Variants in SLC14A2 observed in about 807,000 individuals in gnomAD.
SLC14A2 encodes solute carrier family 14 member 2.
In SLC14A2, 91 loss-of-function variants were observed where a neutral mutation model predicts 104.6. The ratio of observed to expected loss-of-function variants is 0.87; its 90% CI spans 0.73 to 1.04. The LOEUF (loss-of-function observed/expected upper bound fraction) is 1.04, where lower values mean the gene tolerates loss of function less well. Among genes scored for constraint, SLC14A2 ranks in the 50% least tolerant of loss-of-function variants. SLC14A2 has a pLI of 0.00. For synonymous variants in SLC14A2, 476 were observed against 466.4 expected (o/e 1.02, Z -0.27); for missense variants, 1,189 against 1,156.0 (o/e 1.03, Z -0.41).
chr18:45,556,918 T>C (rs1284502842), intron 2 of SLC14A2, among the ~76,000 whole-genome samples: 1 of 152,184 alleles, frequency 6.6e-6, no homozygotes, highest in Non-Finnish European at 1.5e-5. Flanking sequence ...AAGAAATCTT[T>C]AGAATACACC....
intron 2 of SLC14A2, among the ~76,000 whole-genome samples, chr18:45,485,676 T>C (rs1244788750): frequency 6.6e-6 from 1 of 152,186 alleles, no homozygotes; most frequent in African/African-American, 2.4e-5. Context: ...TCTTATAGTT[T>C]TTTCTTCCCT....
In SLC14A2 at chr18:45,379,325, C is replaced by T. The variant is rs1020891746; in HGVS notation, c.-124-103908C>T. Among the ~76,000 whole-genome samples, 5 of 152,164 alleles carry T rather than the reference C, an allele frequency of 3.3e-5. No homozygotes were observed. In the East Asian group the frequency reaches 7.7e-4, roughly 23 times the overall value. ...AAAGCTGGCTTCTTATAAATTCCGC[C>T]CACTGGTCCTAATTCTGCCTCCAAT... On this transcript the variant is annotated intron_variant, in intron 1 of 20. Transcript: ENST00000586448.
At chr18:45,348,109 C>T (rs1328402768) in intron 1 of SLC14A2, among the ~76,000 whole-genome samples, 1 of 152,196 alleles carries the variant, frequency 6.6e-6, no homozygotes, top group Non-Finnish European at 1.5e-5. Context: ...ATCCAGAACA[C>T]AGGGACAATT....
chr18:45,288,530 G>T (rs1278336149), intron 1 of SLC14A2, among the ~76,000 whole-genome samples: 1 of 152,152 alleles, frequency 6.6e-6, no homozygotes, highest in Admixed American at 6.5e-5. Flanking sequence ...ATAGAGGTGG[G>T]ACAAGCGTGA....
At chr18:45,168,546 G>A in the SLC14A2 span, 1 of 152,188 alleles carries the variant, frequency 6.6e-6, no homozygotes, top group Non-Finnish European at 1.5e-5. Context: ...GCAGCACTCA[G>A]TAAATAAGGG....
At chr18:45,265,756 A>G (rs2084586084) in intron 1 of SLC14A2, among the ~76,000 whole-genome samples, 1 of 152,228 alleles carries the variant, frequency 6.6e-6, no homozygotes, top group South Asian at 2.1e-4. Flanking sequence ...CATTTGGGAA[A>G]GAAGTGGAGA....
chr18:45,501,361 A>C (rs1012506295), intron 2 of SLC14A2, among the ~76,000 whole-genome samples: 2 of 152,222 alleles, frequency 1.3e-5, no homozygotes, highest in Admixed American at 1.3e-4. Context: ...GACCAACCTG[A>C]GACTTGAATC....
rs1231196775 is a variant in SLC14A2 at position 45,240,641 on chromosome 18, G to GT, written c.-125+27458dup. 3.1e-3 allele frequency among the ~76,000 whole-genome samples: 438 copies of GT among 141,090 alleles called. 3 individuals are homozygous for GT. The highest frequency in any genetic ancestry group is 7.1e-3 in the Middle Eastern group (2 of 280). The allele number at this position is 141,090 out of a possible 152,430, so 92.6% of individuals were successfully genotyped here. On this transcript the variant is annotated intron_variant, in intron 1 of 20. Coordinates refer to the SLC14A2 transcript ENST00000586448. ...TGGAGGGAGAAAGTGTTTTTTTTTT[G>GT]TTTTTTTTGTTTTTGTTTTTGGTTT...
At chr18:45,262,796 G>T (rs1488424207) in intron 1 of SLC14A2, among the ~76,000 whole-genome samples, 1 of 152,118 alleles carries the variant, frequency 6.6e-6, no homozygotes, top group Non-Finnish European at 1.5e-5. Context: ...ATCAAGGAGA[G>T]GATGGAACAA....
chr18:45,290,107 A>G, intron 1 of SLC14A2, among the ~76,000 whole-genome samples: 1 of 109,648 alleles, frequency 9.1e-6, no homozygotes, highest in Non-Finnish European at 1.9e-5. Flanking sequence ...TTCTTTTGTA[A>G]AAAAAACGTT....
chr18:45,496,452 C>G (rs932442427), intron 2 of SLC14A2, among the ~76,000 whole-genome samples: 11 of 152,092 alleles, frequency 7.2e-5, no homozygotes, highest in Non-Finnish European at 1.5e-4. Flanking sequence ...GCCAGGGTAG[C>G]TAGAACAAAG....
intron 1 of SLC14A2, among the ~76,000 whole-genome samples, chr18:45,452,627 C>T (rs1175024499): frequency 1.3e-5 from 2 of 152,198 alleles, no homozygotes; most frequent in African/African-American, 4.8e-5. Flanking sequence ...ACATTTCTCT[C>T]TCCAACACCA....
chr18:45,399,412 T>C (rs915698558), intron 1 of SLC14A2, among the ~76,000 whole-genome samples: 3 of 152,308 alleles, frequency 2.0e-5, no homozygotes, highest in Admixed American at 2.0e-4. Flanking sequence ...GCCACACTTC[T>C]CTAAGAGGCA....
At position 45,637,103 on chromosome 18, in the gene SLC14A2, A is replaced by G. The variant is rs140597734; in HGVS notation, c.764A>G (p.Asn255Ser). 3 of 1,613,816 alleles carry G rather than the reference A, an allele frequency of 1.9e-6. No homozygotes were observed. In the African/African-American group the frequency reaches 4.0e-5, roughly 22 times the overall value. The change falls in exon 6 of 20, where the codon AAC becomes AGC. Residue 255 changes from asparagine (N) to serine (S), a missense_variant. Transcript: ENST00000255226. ...TACCTTGCAGCCACAGGCCACTACAACCTCTTCTTCCCCACAACACTGGTA... is the reference window on the plus strand; with the variant it reads ...TACCTTGCAGCCACAGGCCACTACAGCCTCTTCTTCCCCACAACACTGGTA... ...TLYLAATGHY[N>S]LFFPTTLVEP...
intron 1 of SLC14A2, among the ~76,000 whole-genome samples, chr18:45,400,172 C>T (rs2086080373): frequency 6.6e-6 from 1 of 152,148 alleles, no homozygotes; most frequent in Non-Finnish European, 1.5e-5. Flanking sequence ...ACACTAAATG[C>T]TCCATTGATG....
At chr18:45,673,921 C>A (rs2046184494) in intron 18 of SLC14A2, 104 bp downstream of exon 18, 11 of 1,122,782 alleles carry the variant, frequency 9.8e-6, no homozygotes, top group Non-Finnish European at 1.3e-5. Context: ...ATAGATTAAA[C>A]ACTATTTTCA....
chr18:45,393,110 G>T (rs1048087746), intron 1 of SLC14A2, among the ~76,000 whole-genome samples: 3 of 152,168 alleles, frequency 2.0e-5, no homozygotes, highest in Admixed American at 6.5e-5. Flanking sequence ...AGGGAGAAAA[G>T]TCTCCAGTAG....
intron 19 of SLC14A2, among the ~76,000 whole-genome samples, chr18:45,680,576 T>A (rs539792173): frequency 7.2e-5 from 11 of 152,306 alleles, no homozygotes; most frequent in African/African-American, 2.6e-4. Context: ...GCTGTACTCT[T>A]TTGTTTTCTA....
In SLC14A2 at chr18:45,421,712, C is replaced by A. The variant is rs188792179; in HGVS notation, c.-124-61521C>A. 1.3e-5 allele frequency among the ~76,000 whole-genome samples: 2 copies of A among 152,252 alleles called. 1 individual carries two copies. The highest frequency in any genetic ancestry group is 1.3e-4 in the Admixed American group (2 of 15,288). Reference sequence around the variant, plus strand: ...GACCAATCACAGACTACCAGTGAACCCACAATGCTCTCCTCACCAAGCATG... The same window carrying A: ...GACCAATCACAGACTACCAGTGAACACACAATGCTCTCCTCACCAAGCATG... On this transcript the variant is annotated intron_variant, in intron 1 of 20. Coordinates refer to the SLC14A2 transcript ENST00000586448.
Sources: gnomAD v4.1 joint callset for allele counts (sites outside exome capture counted in the v4.1 genomes callset) on GRCh38, gnomAD v4.1.1 for gene constraint, MANE v1.5 for transcripts, NCBI Gene and HGNC (gene_info 2026-07-23, HGNC 2026-07-21) for gene names.